GRID2IP: variants seen among roughly 807,000 people sequenced by gnomAD.
GRID2IP encodes the protein delphilin.
Under a neutral mutation model 114.3 loss-of-function variants are expected in GRID2IP, and 78 were observed. The ratio of observed to expected loss-of-function variants is 0.68; its 90% CI spans 0.57 to 0.82. The LOEUF is 0.82. Among genes scored for constraint, GRID2IP ranks in the 40% least tolerant of loss-of-function variants. The pLI is 0.00. For synonymous variants in GRID2IP, 809 were observed against 724.0 expected (o/e 1.12, Z -1.89); for missense variants, 1,727 against 1,678.5 (o/e 1.03, Z -0.51).
At position 6,520,095 on chromosome 7, in the gene GRID2IP, GAAACCCTGTCTCTAGTA is replaced by G. The variant is rs758629148; in HGVS notation, c.1268+466_1268+482del. Among the ~76,000 whole-genome samples the G allele has an allele frequency of 5.3e-5, 8 of 152,188 alleles. No individual in the cohort carries two copies. Among genetic ancestry groups the G allele is most frequent in the East Asian group, 3.9e-4 (2 of 5,154 alleles). ...TTGAGACCAGCCTGACCAACATAGT[GAAACCCTGTCTCTAGTA>G]AAACCCTGTCTCTAGTAAAAATACA... On this transcript the variant is annotated intron_variant, in intron 7 of 21. Transcript: ENST00000457091. The surrounding 1 kb of genome is among the most constrained non-coding windows in gnomAD (Gnocchi z 4.6).
At chr7:6,498,552 C>A (rs1786324634) in intron 20 of GRID2IP, among the ~76,000 whole-genome samples, 2 of 145,004 alleles carry the variant, frequency 1.4e-5, no homozygotes, top group African/African-American at 5.2e-5. Context: ...GTAGGCCCCT[C>A]TGTCACTCTC....
intron 1 of GRID2IP, among the ~76,000 whole-genome samples, chr7:6,540,874 T>C (rs1475205934): frequency 6.6e-6 from 1 of 151,684 alleles, no homozygotes; most frequent in Admixed American, 6.6e-5. Flanking sequence ...TCTCACTCTG[T>C]TGTCTAGGCT....
intron 20 of GRID2IP, among the ~76,000 whole-genome samples, 181 bp downstream of exon 20, chr7:6,501,592 CTCAATCAA>C (rs373342485): frequency 1.3e-5 from 2 of 152,034 alleles, no homozygotes; most frequent in African/African-American, 4.8e-5. Flanking sequence ...GAGACCCTGC[CTCAATCAA>C]TCAATCAATC....
Position 6,551,383 on chromosome 7 carries a change from G to A in GRID2IP, c.54C>T (p.Gly18=), listed in dbSNP as rs772893247. The A allele has an allele frequency of 1.3e-6, 2 of 1,548,096 alleles. No homozygotes were observed. The highest frequency in any genetic ancestry group is 2.4e-5 in the South Asian group (2 of 83,722). Residue 18 remains glycine (G), a synonymous_variant, in exon 1 of 22, where the codon GGC becomes GGT. Transcript: ENST00000457091. ...AGGGGCCAGAGCCACCTAGCCGGAA[G>A]CCAAAGTCCTCTGGCCAGCCCTGGT... ...ATNQGWPEDF[G]FRLGGSGPCF...
chr7:6,526,134 T>TG lies in GRID2IP; in HGVS notation c.919+89dup. ...AGGGGTTGCTGAGCAGGAGCCTACA[T>TG]GGGGTACAATGACCCGGCAGAGCCA... is the stretch of plus-strand genomic sequence containing the variant. On this transcript the variant is annotated intron_variant, in intron 4 of 21. Coordinates refer to ENST00000457091, the MANE Select transcript of GRID2IP (RefSeq NM_001145118.2). The surrounding 1 kb of genome is among the most constrained non-coding windows in gnomAD (Gnocchi z 7.6). 1.0e-6 allele frequency: 1 copy of TG among 980,448 alleles called. No homozygotes were observed. Among genetic ancestry groups the TG allele is most frequent in the Non-Finnish European group, 1.6e-6 (1 of 631,266 alleles). The allele number at this position is 980,448 out of a possible 1,614,324, so 60.7% of individuals were successfully genotyped here. A position where few individuals can be genotyped will look rare whatever the true frequency, so the allele number is the denominator to read the frequency against.
At chr7:6,510,442 C>G in intron 10 of GRID2IP, 42 bp from the exon 11 acceptor site, 1 of 1,436,958 alleles carries the variant, frequency 7.0e-7, no homozygotes, top group Non-Finnish European at 9.3e-7. Context: ...TCTGCTTCCC[C>G]TCGTAGCCCT....
chr7:6,500,967 C>A (rs1583330970), intron 20 of GRID2IP, among the ~76,000 whole-genome samples: 1 of 152,312 alleles, frequency 6.6e-6, no homozygotes, highest in East Asian at 1.9e-4. Flanking sequence ...GGCTCCACTG[C>A]CCCAGAGGAC....
chr7:6,536,789 C>T lies in GRID2IP; in HGVS notation c.584+2929G>A. ...AGAAATAACTTTTTTCCTTTTTTCCCCTCTTCTGATTCTCCTAGCAAGGGG... is the reference window on the plus strand; with the variant it reads ...AGAAATAACTTTTTTCCTTTTTTCCTCTCTTCTGATTCTCCTAGCAAGGGG... On this transcript the variant is annotated intron_variant, in intron 2 of 21. Transcript: ENST00000457091. The surrounding 1 kb of genome is among the most constrained non-coding windows in gnomAD (Gnocchi z 5.3). 1.4e-6 allele frequency: 1 copy of T among 702,472 alleles called. No individual in the cohort carries two copies. Among genetic ancestry groups the T allele is most frequent in the Non-Finnish European group, 2.6e-6 (1 of 384,618 alleles). The allele number at this position is 702,472 out of a possible 1,614,324, so 43.5% of individuals were successfully genotyped here. A position where few individuals can be genotyped will look rare whatever the true frequency, so the allele number is the denominator to read the frequency against.
intron 2 of GRID2IP, among the ~76,000 whole-genome samples, chr7:6,535,276 C>T (rs563821559): frequency 3.9e-5 from 6 of 152,342 alleles, no homozygotes; most frequent in East Asian, 3.9e-4. Context: ...GTGATCCACC[C>T]GCCTCGGCCT....
In GRID2IP at chr7:6,523,327, G is replaced by A. The variant is rs995007863; in HGVS notation, c.920-1370C>T. ...AAAAGGAGAGAGTGATGGTGGTGGC[G>A]AATCCAATCTGGCCTGCCTGGAATG... On this transcript the variant is annotated intron_variant, in intron 4 of 21. Transcript: ENST00000457091. This position sits in a 1 kb window ranked among gnomAD's most constrained non-coding sequence, Gnocchi z 4.5. Among the ~76,000 whole-genome samples the A allele has an allele frequency of 1.3e-5, 2 of 152,080 alleles. No individual in the cohort carries two copies. Among genetic ancestry groups the A allele is most frequent in the African/African-American group, 4.8e-5 (2 of 41,422 alleles).
At chr7:6,524,637 T>G (rs1779474285) in intron 4 of GRID2IP, among the ~76,000 whole-genome samples, 2 of 151,966 alleles carry the variant, frequency 1.3e-5, no homozygotes, top group Admixed American at 6.5e-5. Context: ...GGAGGATCCC[T>G]TAAGCCCAGG....
In GRID2IP at chr7:6,547,600, T is replaced by C. The variant is rs183216719; in HGVS notation, c.429+3408A>G. ...GTTTGTTTGTTATAGCAGCAGAGCC[T>C]GTTGTGGGTACAGGAAGAAAGTCAC... On this transcript the variant is annotated intron_variant, in intron 1 of 21. Transcript: ENST00000457091. Among the ~76,000 whole-genome samples, 17 of 152,196 alleles carry C rather than the reference T, an allele frequency of 1.1e-4. No individual in the cohort carries two copies. In the East Asian group the frequency reaches 2.7e-3, roughly 24 times the overall value.
intron 1 of GRID2IP, among the ~76,000 whole-genome samples, chr7:6,545,730 C>T (rs1779878244): frequency 6.6e-6 from 1 of 152,200 alleles, no homozygotes; most frequent in South Asian, 2.1e-4. Flanking sequence ...ATTAGGCACT[C>T]AGAGAATGTG....
At chr7:6,525,799 A>T (rs1261298439) in intron 4 of GRID2IP, among the ~76,000 whole-genome samples, 1 of 152,138 alleles carries the variant, frequency 6.6e-6, no homozygotes, top group Non-Finnish European at 1.5e-5. Context: ...GCAAGAACCC[A>T]GTTCAGCGTG....
chr7:6,533,216 T>G (rs1779665075), intron 2 of GRID2IP, among the ~76,000 whole-genome samples: 2 of 152,114 alleles, frequency 1.3e-5, no homozygotes, highest in Admixed American at 1.3e-4. Flanking sequence ...CACAGAAATA[T>G]CAGCTCCTAA....
intron 2 of GRID2IP, among the ~76,000 whole-genome samples, chr7:6,529,961 C>T (rs1445466511): frequency 2.7e-5 from 3 of 111,792 alleles, no homozygotes; most frequent in African/African-American, 8.0e-5. Flanking sequence ...CTCTCTCTCT[C>T]TTTTTTTTTT....
At chr7:6,504,719 C>T in intron 15 of GRID2IP, 74 bp downstream of exon 15, 1 of 1,153,032 alleles carries the variant, frequency 8.7e-7, no homozygotes, top group Non-Finnish European at 1.3e-6. Context: ...TGTCATCCAC[C>T]TGGGCAGGTC....
At chr7:6,541,670 TTGGAAACGAGTGTGCAAA>T (rs2115098581) in intron 1 of GRID2IP, among the ~76,000 whole-genome samples, 1 of 152,290 alleles carries the variant, frequency 6.6e-6, no homozygotes, top group South Asian at 2.1e-4. Flanking sequence ...AATGCACACG[TTGGAAACGAGTGTGCAAA>T]TGGGCACATT....
intron 1 of GRID2IP, 32 bp downstream of exon 1, chr7:6,550,976 T>TAAC: frequency 8.9e-6 from 9 of 1,015,728 alleles, no homozygotes; most frequent in Non-Finnish European, 8.7e-6. Context: ...GCCCCCTCCT[T>TAAC]CCCGCCCCCA....
Sources: allele counts gnomAD v4.1 joint callset (sites outside exome capture counted in the v4.1 genomes callset), GRCh38; gene constraint gnomAD v4.1.1; non-coding constraint Gnocchi (gnomAD v3.1); transcripts MANE v1.5; gene names NCBI Gene and HGNC (gene_info 2026-07-23, HGNC 2026-07-21).